COL23A1: variants seen among roughly 807,000 people sequenced by gnomAD.
COL23A1 encodes collagen alpha-1(XXIII) chain.
A neutral mutation model predicts 99.3 loss-of-function variants in COL23A1; 97 were observed. The observed-to-expected ratio is 0.98, with a 90% CI of 0.83 to 1.16. The LOEUF is 1.16. Ranked by LOEUF, COL23A1 falls within the 50% of genes most tolerant of loss-of-function variation. The probability of loss-of-function intolerance (pLI) is 0.00; values close to 1 mark genes in which losing one functional copy is unlikely to be tolerated. For missense variants in COL23A1, 762 were observed against 757.4 expected, an observed-to-expected ratio of 1.01 and a Z score of -0.07; for synonymous variants, 320 against 308.2, an observed-to-expected ratio of 1.04 and a Z score of -0.40.
intron 1 of COL23A1, among the ~76,000 whole-genome samples, chr5:178,568,071 T>C (rs912492214): frequency 6.6e-6 from 1 of 152,226 alleles, no homozygotes; most frequent in Non-Finnish European, 1.5e-5. Flanking sequence ...CCCGATGGGA[T>C]GCCATGAACA....
At chr5:178,263,181 G>A (rs368579498) in intron 9 of COL23A1, 27 bp downstream of exon 9, 132 of 1,530,280 alleles carry the variant, frequency 8.6e-5, no homozygotes, top group African/African-American at 3.1e-4. Flanking sequence ...CAAGTCCTGC[G>A]TGGCCCAACT....
chr5:178,522,013 T>C (rs1423359169), intron 2 of COL23A1, among the ~76,000 whole-genome samples: 2 of 152,224 alleles, frequency 1.3e-5, no homozygotes, highest in Non-Finnish European at 2.9e-5. Flanking sequence ...CTTTATGTTA[T>C]GTATTTTTTA....
chr5:178,286,217 C>T (rs1216741047), intron 5 of COL23A1, among the ~76,000 whole-genome samples: 1 of 152,154 alleles, frequency 6.6e-6, no homozygotes, highest in Non-Finnish European at 1.5e-5. Context: ...GCCCAGCCTG[C>T]TCAGGCCTCC....
intron 2 of COL23A1, among the ~76,000 whole-genome samples, chr5:178,426,769 CAAT>C (rs1765961122): frequency 6.6e-6 from 1 of 152,236 alleles, no homozygotes; most frequent in Non-Finnish European, 1.5e-5. Flanking sequence ...TAAAACTCAA[CAAT>C]AAGAACGCGA....
intron 2 of COL23A1, chr5:178,351,902 T>TCAGA (rs55835720): frequency 0.028 from 4,205 of 152,312 alleles, 59 homozygotes; most frequent in African/African-American, 0.037. Flanking sequence ...GCCAGAGCTC[T>TCAGA]CTGTGTCTTT....
chr5:178,582,105 G>C (rs1433517961), intron 1 of COL23A1, among the ~76,000 whole-genome samples: 1 of 151,114 alleles, frequency 6.6e-6, no homozygotes, highest in Non-Finnish European at 1.5e-5. Flanking sequence ...ATTTTGGGAG[G>C]CTGAGGCAGG....
chr5:178,311,513 T>TGC (rs1758676810), intron 2 of COL23A1, among the ~76,000 whole-genome samples: 4 of 40,722 alleles, frequency 9.8e-5, no homozygotes, highest in African/African-American at 3.4e-4. Flanking sequence ...TGTGCGCGTG[T>TGC]GTGTGTGTGT....
At chr5:178,463,863 G>A (rs1005739496) in intron 2 of COL23A1, among the ~76,000 whole-genome samples, 2 of 152,190 alleles carry the variant, frequency 1.3e-5, no homozygotes, top group African/African-American at 4.8e-5. Flanking sequence ...TCCATGCAGC[G>A]TAAATACCAG....
chr5:178,280,460 C>A lies in COL23A1; in HGVS notation c.441+7864G>T, dbSNP rs898196468. Among the ~76,000 whole-genome samples, 1 of 152,156 alleles carries A rather than the reference C, an allele frequency of 6.6e-6. No individual in the cohort carries two copies. The highest frequency in any genetic ancestry group is 1.5e-5 in the Non-Finnish European group (1 of 68,022). On this transcript the variant is annotated intron_variant, in intron 5 of 28. Coordinates refer to ENST00000390654, the MANE Select transcript of COL23A1 (RefSeq NM_173465.4). The surrounding 1 kb of genome is among the most constrained non-coding windows in gnomAD (Gnocchi z 4.9). ...GCCTGAGGCCACATGGACTATAGAC[C>A]CCTGGGCCCATTCTGTCTCCACTGC...
chr5:178,561,182 G>A (rs1324270055), intron 1 of COL23A1, among the ~76,000 whole-genome samples: 2 of 152,208 alleles, frequency 1.3e-5, no homozygotes, highest in Non-Finnish European at 2.9e-5. Flanking sequence ...CACCCGGGAA[G>A]TCCCAAAACC....
intron 16 of COL23A1, among the ~76,000 whole-genome samples, chr5:178,254,745 G>A (rs1765214575): frequency 6.6e-6 from 1 of 152,148 alleles, no homozygotes; most frequent in Admixed American, 6.5e-5. Context: ...GGGCCACGTG[G>A]GCCACATTCA....
At chr5:178,374,541 T>G (rs934458312) in intron 2 of COL23A1, among the ~76,000 whole-genome samples, 7 of 152,190 alleles carry the variant, frequency 4.6e-5, no homozygotes, top group Admixed American at 2.0e-4. Context: ...ACCTGTGACT[T>G]CTCTGTGCCT....
intron 2 of COL23A1, chr5:178,344,754 G>T: frequency 2.3e-6 from 1 of 438,080 alleles, no homozygotes. Flanking sequence ...TGAAACAGAG[G>T]GCCTACTGTA....
At chr5:178,364,656 G>A (rs1370870211) in intron 2 of COL23A1, among the ~76,000 whole-genome samples, 10 of 152,120 alleles carry the variant, frequency 6.6e-5, no homozygotes, top group African/African-American at 2.2e-4. Flanking sequence ...GAACTCACCC[G>A]GCCCAGCAGT....
intron 2 of COL23A1, among the ~76,000 whole-genome samples, chr5:178,453,552 A>G (rs1242556736): frequency 6.6e-6 from 1 of 152,154 alleles, no homozygotes; most frequent in Non-Finnish European, 1.5e-5. Context: ...TGACCAAGGA[A>G]TCTACCCCTT....
intron 2 of COL23A1, among the ~76,000 whole-genome samples, chr5:178,318,324 C>A (rs371199847): frequency 6.6e-6 from 1 of 152,192 alleles, no homozygotes. Context: ...ACTGGGACTC[C>A]TTTTGATTGG....
In COL23A1 at chr5:178,481,131, C is replaced by CAAAAAA. The variant is rs10625763; in HGVS notation, c.361+79545_361+79550dup. On this transcript the variant is annotated intron_variant, in intron 2 of 28. Transcript: ENST00000390654. ...CCACTGCACTCCAGAGACTGTCTCT[C>CAAAAAA]AAAAAAAAAAAAAAAAAAAGAAAGA... 9.3e-4 allele frequency among the ~76,000 whole-genome samples: 95 copies of CAAAAAA among 102,238 alleles called. 2 individuals carry two copies. The highest frequency in any genetic ancestry group is 3.0e-3 in the African/African-American group (81 of 27,382). 67.1% of individuals were successfully genotyped at this position (102,238 alleles called of 152,430 possible).
chr5:178,364,357 T>C (rs1018600142), intron 2 of COL23A1, among the ~76,000 whole-genome samples: 32 of 120,800 alleles, frequency 2.6e-4, no homozygotes, highest in Admixed American at 4.4e-4. Flanking sequence ...TTGAATCTCT[T>C]GGTTTGGGAT....
intron 3 of COL23A1, among the ~76,000 whole-genome samples, chr5:178,296,616 G>A (rs1189886113): frequency 6.6e-6 from 1 of 152,134 alleles, no homozygotes; most frequent in African/African-American, 2.4e-5. Flanking sequence ...TTCCCCAGAG[G>A]TCCCCGGGAG....
Sources: gnomAD v4.1 joint callset for allele counts (sites outside exome capture counted in the v4.1 genomes callset) on GRCh38, gnomAD v4.1.1 for gene constraint, Gnocchi (gnomAD v3.1) non-coding constraint, MANE v1.5 for transcripts, NCBI Gene and HGNC (gene_info 2026-07-23, HGNC 2026-07-21) for gene names.